FBXL17: variants seen among roughly 807,000 people sequenced by gnomAD.
FBXL17 encodes the protein F-box/LRR-repeat protein 17.
In FBXL17, 22 loss-of-function variants were observed where a neutral mutation model predicts 66.2. The ratio of observed to expected loss-of-function variants is 0.33; its 90% CI spans 0.24 to 0.47. The LOEUF is 0.47. Among genes scored for constraint, FBXL17 ranks in the 20% least tolerant of loss-of-function variants. FBXL17 has a pLI of 1.00. For missense variants in FBXL17, 878 were observed against 948.2 expected (o/e 0.93, Z 0.97); for synonymous variants, 474 against 400.5 (o/e 1.18, Z -2.19).
intron 1 of FBXL17, among the ~76,000 whole-genome samples, chr5:108,372,009 C>G (rs748166710): frequency 3.9e-5 from 6 of 152,166 alleles, no homozygotes; most frequent in African/African-American, 1.4e-4. Context: ...CTCCTGTTCC[C>G]CAGGGGTTGC....
intron 4 of FBXL17, among the ~76,000 whole-genome samples, chr5:108,269,991 C>T (rs1757201425): frequency 6.6e-6 from 1 of 151,214 alleles, no homozygotes; most frequent in African/African-American, 2.5e-5. Context: ...TAGGTCCCAG[C>T]AGAACCAGAA....
At chr5:108,002,063 T>G (rs1183148672) in intron 7 of FBXL17, among the ~76,000 whole-genome samples, 1 of 152,128 alleles carries the variant, frequency 6.6e-6, no homozygotes, top group East Asian at 1.9e-4. Flanking sequence ...TCACCCAGGT[T>G]GGAGTGCAAT....
intron 6 of FBXL17, among the ~76,000 whole-genome samples, chr5:108,026,377 T>C (rs1754827462): frequency 6.6e-6 from 1 of 152,230 alleles, no homozygotes; most frequent in Non-Finnish European, 1.5e-5. Context: ...CAAGGTGATA[T>C]GTTAAATCCA....
chr5:107,987,054 T>G (rs1203780706), intron 7 of FBXL17, among the ~76,000 whole-genome samples: 2 of 151,992 alleles, frequency 1.3e-5, no homozygotes, highest in Non-Finnish European at 2.9e-5. Flanking sequence ...TTCATACATT[T>G]TTGAGCAATG....
intron 3 of FBXL17, among the ~76,000 whole-genome samples, chr5:108,358,156 T>C (rs1239105285): frequency 2.0e-5 from 3 of 152,162 alleles, no homozygotes; most frequent in Non-Finnish European, 4.4e-5. Context: ...CCTTTCCAAT[T>C]TGGAAGCATT....
chr5:108,162,807 T>C (rs917986735), intron 6 of FBXL17, among the ~76,000 whole-genome samples: 3 of 152,158 alleles, frequency 2.0e-5, no homozygotes, highest in Admixed American at 6.5e-5. Context: ...TTTGGAATAG[T>C]AACTGTCAGA....
chr5:108,119,874 G>C (rs1249754311), intron 6 of FBXL17, among the ~76,000 whole-genome samples: 1 of 152,152 alleles, frequency 6.6e-6, no homozygotes, highest in Admixed American at 6.5e-5. Flanking sequence ...CAGAACTTCA[G>C]GAAATAAAGA....
chr5:108,206,671 G>A (rs190828426), intron 5 of FBXL17, among the ~76,000 whole-genome samples: 2 of 152,072 alleles, frequency 1.3e-5, no homozygotes, highest in Non-Finnish European at 1.5e-5. Context: ...ATTATTTTGA[G>A]ATTAATCCAT....
intron 5 of FBXL17, among the ~76,000 whole-genome samples, chr5:108,196,208 A>AT (rs898279266): frequency 6.6e-6 from 1 of 151,408 alleles, no homozygotes; most frequent in African/African-American, 2.4e-5. Flanking sequence ...GCCTAGCCCA[A>AT]TTCTTTAAAA....
intron 7 of FBXL17, among the ~76,000 whole-genome samples, chr5:107,945,628 A>C (rs1338890082): frequency 6.6e-6 from 1 of 152,178 alleles, no homozygotes; most frequent in East Asian, 1.9e-4. Flanking sequence ...ATGCAGAAGA[A>C]TGTACACATA....
At chr5:108,003,772 T>A (rs1468701101) in intron 7 of FBXL17, among the ~76,000 whole-genome samples, 2 of 152,076 alleles carry the variant, frequency 1.3e-5, no homozygotes, top group African/African-American at 4.8e-5. Context: ...CGTAAGCAGA[T>A]GTGAAAATAA....
chr5:108,331,592 T>G (rs1760125045), intron 4 of FBXL17, among the ~76,000 whole-genome samples: 2 of 152,248 alleles, frequency 1.3e-5, no homozygotes, highest in African/African-American at 2.4e-5. Context: ...AGAAATTTAG[T>G]GCAATCATTT....
In FBXL17 at chr5:108,162,780, T is replaced by G. The variant is rs139435051; in HGVS notation, c.1745+23337A>C. On this transcript the variant is annotated intron_variant, in intron 6 of 8. Coordinates refer to ENST00000542267, the MANE Select transcript of FBXL17 (RefSeq NM_001163315.3). ...ATCACCTCACAGGGTTATCGGAAAT[T>G]TAATATATATATAACATTTGGAATA... 1.5e-4 allele frequency among the ~76,000 whole-genome samples: 23 copies of G among 152,262 alleles called. 1 individual carries two copies. In the East Asian group the frequency reaches 4.4e-3, roughly 29 times the overall value.
At chr5:108,241,795 A>C (rs1755865422) in intron 4 of FBXL17, among the ~76,000 whole-genome samples, 1 of 152,178 alleles carries the variant, frequency 6.6e-6, no homozygotes, top group Admixed American at 6.5e-5. Context: ...ATAACACACA[A>C]TGGAGCTCCA....
chr5:107,946,291 A>T (rs1219193206), intron 7 of FBXL17, among the ~76,000 whole-genome samples: 13 of 70,442 alleles, frequency 1.8e-4, no homozygotes, highest in Admixed American at 8.3e-4. Flanking sequence ...ATATATATAT[A>T]TATATATATA....
At chr5:108,023,305 A>T (rs896084041) in intron 6 of FBXL17, among the ~76,000 whole-genome samples, 5 of 152,182 alleles carry the variant, frequency 3.3e-5, no homozygotes, top group African/African-American at 1.2e-4. Flanking sequence ...TGGATTTTAC[A>T]TTTGAAAAGA....
rs1241092951 is a variant in FBXL17 at position 108,235,892 on chromosome 5, T to C, written c.1507-11664A>G. Reference sequence around the variant, plus strand: ...GCTGGTTCAATACTGAAGAAATACATTTTTTGATGCAAAGAAAAACAGAAC... The same window carrying C: ...GCTGGTTCAATACTGAAGAAATACACTTTTTGATGCAAAGAAAAACAGAAC... On this transcript the variant is annotated intron_variant, in intron 4 of 8. Coordinates refer to ENST00000542267, the MANE Select transcript of FBXL17 (RefSeq NM_001163315.3). Among the ~76,000 whole-genome samples the C allele has an allele frequency of 3.9e-5, 6 of 152,330 alleles. No homozygotes were observed. The East Asian group carries it at 1.2e-3, about 29-fold the overall frequency.
chr5:107,949,391 T>C (rs1412482143), intron 7 of FBXL17, among the ~76,000 whole-genome samples: 1 of 152,114 alleles, frequency 6.6e-6, no homozygotes, highest in Non-Finnish European at 1.5e-5. Flanking sequence ...GGGACCTGGG[T>C]AATTACCCTT....
chr5:107,947,890 T>C (rs1047227055), intron 7 of FBXL17, among the ~76,000 whole-genome samples: 1 of 152,160 alleles, frequency 6.6e-6, no homozygotes, highest in African/African-American at 2.4e-5. Flanking sequence ...TTCCACTCTA[T>C]TCCTTTTCTA....
Sources: gnomAD v4.1 joint callset for allele counts (sites outside exome capture counted in the v4.1 genomes callset) on GRCh38, gnomAD v4.1.1 for gene constraint, MANE v1.5 for transcripts, NCBI Gene and HGNC (gene_info 2026-07-23, HGNC 2026-07-21) for gene names.